Variants in KCNQ1 observed in about 807,000 individuals in gnomAD.
KCNQ1 encodes potassium voltage-gated channel subfamily Q member 1, also known as potassium voltage-gated channel subfamily KQT member 1.
KCNQ1 carries 49 observed loss-of-function variants against 72.4 expected under a neutral mutation model. The observed-to-expected ratio is 0.68, with a 90% confidence interval of 0.54 to 0.86. KCNQ1 has a LOEUF of 0.86. Among genes scored for constraint, KCNQ1 ranks in the 40% least tolerant of loss-of-function variants. The pLI is 0.00. For synonymous variants in KCNQ1, 450 were observed against 412.6 expected, an observed-to-expected ratio of 1.09 and a Z score of -1.10; for missense variants, 790 against 945.1, an observed-to-expected ratio of 0.84 and a Z score of 2.15.
rs1190481181 is a variant in KCNQ1 at position 2,712,199 on chromosome 11, A to G, written c.1514+50118A>G. Among the ~76,000 whole-genome samples, 3 of 151,980 alleles carry G rather than the reference A, an allele frequency of 2.0e-5. No homozygotes were observed. The highest frequency in any genetic ancestry group is 2.0e-4 in the Admixed American group (3 of 15,270). On this transcript the variant is annotated intron_variant, in intron 11 of 15. Coordinates refer to ENST00000155840, the MANE Select transcript of KCNQ1 (RefSeq NM_000218.3). The surrounding 1 kb of genome is among the most constrained non-coding windows in gnomAD (Gnocchi z 6.4). ...ATGAACACTTGCCGGCTCTCTATTC[A>G]TCCACACCCCCTGCATTTATTGAGT...
chr11:2,677,577 A>G lies in KCNQ1; in HGVS notation c.1514+15496A>G, dbSNP rs1298492312. On this transcript the variant is annotated intron_variant, in intron 11 of 15. Coordinates refer to ENST00000155840, the MANE Select transcript of KCNQ1 (RefSeq NM_000218.3). The surrounding 1 kb of genome is among the most constrained non-coding windows in gnomAD (Gnocchi z 4.5). ...AGATGTTACCATATAATGCTTTACA[A>G]AAGACAAACCAAAATCCCCTCTGGA... 1.3e-5 allele frequency: 5 copies of G among 398,536 alleles called. No individual in the cohort carries two copies. Among genetic ancestry groups the G allele is most frequent in the Non-Finnish European group, 2.2e-5 (5 of 226,074 alleles). The allele number at this position is 398,536 out of a possible 1,614,324, so 24.7% of individuals were successfully genotyped here. A position where few individuals can be genotyped will look rare whatever the true frequency, so the allele number is the denominator to read the frequency against.
chr11:2,691,064 A>T lies in KCNQ1; in HGVS notation c.1514+28983A>T. ...ATATGCTGGGTGAGGGAAATAATGGAGGCACCTTTGTTCTAGATGCCTGCA... is the reference window on the plus strand; with the variant it reads ...ATATGCTGGGTGAGGGAAATAATGGTGGCACCTTTGTTCTAGATGCCTGCA... On this transcript the variant is annotated intron_variant, in intron 11 of 15. Transcript: ENST00000155840. The surrounding 1 kb of genome is among the most constrained non-coding windows in gnomAD (Gnocchi z 6.4). 1 of 398,666 alleles carries T rather than the reference A, an allele frequency of 2.5e-6. No homozygotes were observed. The allele number at this position is 398,666 out of a possible 1,614,324, so 24.7% of individuals were successfully genotyped here.
At chr11:2,743,585 GCATGGCC>G (rs1846092527) in intron 11 of KCNQ1, among the ~76,000 whole-genome samples, 1 of 152,208 alleles carries the variant, frequency 6.6e-6, no homozygotes, top group Non-Finnish European at 1.5e-5. Flanking sequence ...GCCAGTCCCT[GCATGGCC>G]CTATGGGGAC....
At chr11:2,779,992 G>A (rs188869525) in intron 15 of KCNQ1, among the ~76,000 whole-genome samples, 6 of 152,236 alleles carry the variant, frequency 3.9e-5, no homozygotes, top group Admixed American at 2.0e-4. Context: ...GCTCTGAGCC[G>A]GGGCCACGAG....
chr11:2,691,399 G>A lies in KCNQ1; in HGVS notation c.1514+29318G>A, dbSNP rs1217132203. On this transcript the variant is annotated intron_variant, in intron 11 of 15. Transcript: ENST00000155840. The surrounding 1 kb of genome is among the most constrained non-coding windows in gnomAD (Gnocchi z 6.4). Reference sequence around the variant, plus strand: ...CTCTGGGTCTGGGCATAGAAGCCCAGGAACTGCTGTCTGTGGGGAGTCCAC... The same window carrying A: ...CTCTGGGTCTGGGCATAGAAGCCCAAGAACTGCTGTCTGTGGGGAGTCCAC... The A allele has an allele frequency of 5.0e-6, 2 of 398,542 alleles. No homozygotes were observed. The highest frequency in any genetic ancestry group is 7.1e-5 in the East Asian group (2 of 28,082). 24.7% of individuals were successfully genotyped at this position (398,542 alleles called of 1,614,324 possible). A position where few individuals can be genotyped will look rare whatever the true frequency, so the allele number is the denominator to read the frequency against.
chr11:2,653,012 A>G lies in KCNQ1; in HGVS notation c.1394-8949A>G, dbSNP rs998142389. On this transcript the variant is annotated intron_variant, in intron 10 of 15. Coordinates refer to ENST00000155840, the MANE Select transcript of KCNQ1 (RefSeq NM_000218.3). The surrounding 1 kb of genome is among the most constrained non-coding windows in gnomAD (Gnocchi z 5.3). ...TCACTGTCATGCTTGAGGCAAATCT[A>G]TTCTGCACACCTTTGATCCAATGTG... 6 of 398,558 alleles carry G rather than the reference A, an allele frequency of 1.5e-5. No individual in the cohort carries two copies. Among genetic ancestry groups the G allele is most frequent in the African/African-American group, 8.2e-5 (4 of 48,640 alleles). 24.7% of individuals were successfully genotyped at this position (398,558 alleles called of 1,614,324 possible).
intron 15 of KCNQ1, among the ~76,000 whole-genome samples, chr11:2,843,852 T>C (rs1328667535): frequency 6.6e-6 from 1 of 152,228 alleles, no homozygotes; most frequent in African/African-American, 2.4e-5. Context: ...ATTAATTTGG[T>C]GAGTGCAGGC....
In KCNQ1 at chr11:2,561,019, G is replaced by A. The variant is rs1024614564; in HGVS notation, c.478-9609G>A. On this transcript the variant is annotated intron_variant, in intron 2 of 15. Transcript: ENST00000155840. ...AGATCGAGACCATCCTGGCTAACAC[G>A]GTGAAACCCCGTCTCTACTAAAAAT... Among the ~76,000 whole-genome samples the A allele has an allele frequency of 1.1e-4, 17 of 151,820 alleles. No homozygotes were observed. The South Asian group carries it at 1.5e-3, about 13-fold the overall frequency.
rs1846706929 is a variant in KCNQ1, at chr11:2,484,670, G to C, written c.386+39186G>C. 6.6e-6 allele frequency among the ~76,000 whole-genome samples: 1 copy of C among 152,140 alleles called. No individual in the cohort carries two copies. The highest frequency in any genetic ancestry group is 6.5e-5 in the Admixed American group (1 of 15,272). The stretch of plus-strand genomic sequence containing the variant: ...CCAAGGAGCCAGGGTTCCTTCCATT[G>C]GAGAGTGGTCTTTAGAAACCCAGGC... On this transcript the variant is annotated intron_variant, in intron 1 of 15. Transcript: ENST00000155840. The surrounding 1 kb of genome is among the most constrained non-coding windows in gnomAD (Gnocchi z 5.2).
rs1846135868 is a variant in KCNQ1 at position 2,746,129 on chromosome 11, A to AC, written c.1515-22715_1515-22714insC. 6.6e-6 allele frequency among the ~76,000 whole-genome samples: 1 copy of AC among 152,164 alleles called. No homozygotes were observed. On this transcript the variant is annotated intron_variant, in intron 11 of 15. Coordinates refer to ENST00000155840, the MANE Select transcript of KCNQ1 (RefSeq NM_000218.3). This position sits in a 1 kb window ranked among gnomAD's most constrained non-coding sequence, Gnocchi z 5.9. ...GATCTCGAACTCCTGGCCTCAAGTG[A>AC]TCCATCCGCCTCGGCCTCCCAAAGT...
chr11:2,728,160 TC>T (rs911675409), intron 11 of KCNQ1, among the ~76,000 whole-genome samples: 1 of 152,060 alleles, frequency 6.6e-6, no homozygotes, highest in Non-Finnish European at 1.5e-5. Context: ...GGTTCTGTCC[TC>T]CCCTCACACA....
chr11:2,795,704 G>A (rs576591444), intron 15 of KCNQ1, among the ~76,000 whole-genome samples: 3 of 152,282 alleles, frequency 2.0e-5, no homozygotes, highest in South Asian at 2.1e-4. Context: ...TACAGATCCC[G>A]CCAACTCTTC....
chr11:2,518,796 A>T (rs1397209938), intron 1 of KCNQ1, among the ~76,000 whole-genome samples: 1 of 152,184 alleles, frequency 6.6e-6, no homozygotes, highest in Non-Finnish European at 1.5e-5. Flanking sequence ...TTTTAAAGAA[A>T]TGAGACTCAG....
intron 11 of KCNQ1, among the ~76,000 whole-genome samples, chr11:2,758,492 T>C (rs76274330): frequency 0.017 from 2,549 of 152,276 alleles, 116 homozygotes; most frequent in East Asian, 0.13. Context: ...GAAAATAATG[T>C]GGTCGTTTCT....
Position 2,657,556 on chromosome 11 carries a change from C to T in KCNQ1, c.1394-4405C>T. On this transcript the variant is annotated intron_variant, in intron 10 of 15. Transcript: ENST00000155840. The surrounding 1 kb of genome is among the most constrained non-coding windows in gnomAD (Gnocchi z 4.8). Reference sequence around the variant, plus strand: ...ACCCACATCCCTTTCACCAGCTTCCCCTAATGTTAGCATCTTATATAACCA... The same window carrying T: ...ACCCACATCCCTTTCACCAGCTTCCTCTAATGTTAGCATCTTATATAACCA... The T allele has an allele frequency of 2.5e-6, 1 of 398,552 alleles. No homozygotes were observed. The highest frequency in any genetic ancestry group is 2.1e-5 in the African/African-American group (1 of 48,742). The allele number at this position is 398,552 out of a possible 1,614,324, so 24.7% of individuals were successfully genotyped here. A position where few individuals can be genotyped will look rare whatever the true frequency, so the allele number is the denominator to read the frequency against.
intron 10 of KCNQ1, chr11:2,615,176 A>C (rs983375066): frequency 4.8e-5 from 19 of 398,100 alleles, no homozygotes; most frequent in African/African-American, 3.9e-4. Context: ...GAATTTTAAA[A>C]ATTGACTTCC....
chr11:2,629,817 T>C (rs1021934871), intron 10 of KCNQ1: 3 of 393,778 alleles, frequency 7.6e-6, no homozygotes, highest in African/African-American at 6.2e-5. Flanking sequence ...TTCTAACAGG[T>C]TTTTTTTGTG....
rs1204985325 is a variant in KCNQ1, at chr11:2,613,035, C to T, written c.1393+24181C>T. ...TCTTATGTTTGTTTTGTAAGCCTGG[C>T]TTCATTGGTGTCACCCCTGGATCAG... On this transcript the variant is annotated intron_variant, in intron 10 of 15. Coordinates refer to ENST00000155840, the MANE Select transcript of KCNQ1 (RefSeq NM_000218.3). The surrounding 1 kb of genome is among the most constrained non-coding windows in gnomAD (Gnocchi z 4.8). The T allele has an allele frequency of 2.5e-5, 10 of 398,456 alleles. No homozygotes were observed. The highest frequency in any genetic ancestry group is 4.4e-5 in the Non-Finnish European group (10 of 226,086). The allele number at this position is 398,456 out of a possible 1,614,324, so 24.7% of individuals were successfully genotyped here.
intron 11 of KCNQ1, among the ~76,000 whole-genome samples, chr11:2,721,873 C>T (rs1851208638): frequency 6.6e-6 from 1 of 152,220 alleles, no homozygotes; most frequent in Non-Finnish European, 1.5e-5. Context: ...GGCCTTGTCC[C>T]CTTTGCCAGT....
Sources: allele counts gnomAD v4.1 joint callset (sites outside exome capture counted in the v4.1 genomes callset), GRCh38; gene constraint gnomAD v4.1.1; non-coding constraint Gnocchi (gnomAD v3.1); transcripts MANE v1.5; gene names NCBI Gene and HGNC (gene_info 2026-07-23, HGNC 2026-07-21).